XDH: variants seen among roughly 807,000 people sequenced by gnomAD.
XDH encodes the protein xanthine dehydrogenase, also known as xanthine dehydrogenase/oxidase.
In XDH, 138 loss-of-function variants were observed where a neutral mutation model predicts 156.1. The observed-to-expected ratio is 0.88, with a 90% CI of 0.77 to 1.02. The LOEUF is 1.02. Among genes scored for constraint, XDH ranks in the 50% least tolerant of loss-of-function variants. The pLI is 0.00. For missense variants in XDH, 1,849 were observed against 1,684.9 expected, an observed-to-expected ratio of 1.10 and a Z score of -1.71; for synonymous variants, 669 against 625.7, an observed-to-expected ratio of 1.07 and a Z score of -1.03.
chr2:31,346,935 A>C, intron 29 of XDH, 92 bp from the exon 30 acceptor site: 4 of 1,532,274 alleles, frequency 2.6e-6, no homozygotes, highest in Non-Finnish European at 3.6e-6. Context: ...GGCTACCTCC[A>C]AGCAATGCTG....
At chr2:31,338,278 T>C (rs1420159873) in intron 34 of XDH, among the ~76,000 whole-genome samples, 1 of 152,174 alleles carries the variant, frequency 6.6e-6, no homozygotes, top group African/African-American at 2.4e-5. Flanking sequence ...CAAACAGGAA[T>C]TAAAACATTT....
At chr2:31,386,883 C>T (rs45527541) in intron 8 of XDH, among the ~76,000 whole-genome samples, 1 of 145,280 alleles carries the variant, frequency 6.9e-6, no homozygotes, top group Non-Finnish European at 1.5e-5. Context: ...CCTTGCAGTG[C>T]CCCATAATAT....
chr2:31,349,041 TTG>T, intron 26 of XDH, 61 bp from the exon 27 acceptor site: 4 of 1,497,150 alleles, frequency 2.7e-6, no homozygotes, highest in Non-Finnish European at 3.7e-6. Context: ...ATGAATATCT[TTG>T]GATGTTCACA....
chr2:31,392,262 T>A (rs896191030), intron 6 of XDH, among the ~76,000 whole-genome samples: 2 of 152,008 alleles, frequency 1.3e-5, no homozygotes, highest in Admixed American at 6.5e-5. Context: ...TTCAGTTATG[T>A]TGATTTTCTC....
chr2:31,388,707 G>A (rs113940306), intron 6 of XDH, among the ~76,000 whole-genome samples: 3 of 152,164 alleles, frequency 2.0e-5, no homozygotes, highest in Admixed American at 6.5e-5. Context: ...TTCTAGGGGC[G>A]TGGCTGGTGT....
At chr2:31,408,035 G>A (rs530893725) in intron 1 of XDH, among the ~76,000 whole-genome samples, 3 of 152,104 alleles carry the variant, frequency 2.0e-5, no homozygotes, top group Admixed American at 6.5e-5. Flanking sequence ...CATCACATCA[G>A]TTCCCTGCTC....
At chr2:31,408,893 G>A (rs946966781) in intron 1 of XDH, among the ~76,000 whole-genome samples, 3 of 152,282 alleles carry the variant, frequency 2.0e-5, no homozygotes, top group East Asian at 1.9e-4. Flanking sequence ...CTAAGCGTCC[G>A]TGAACAGATG....
intron 24 of XDH, among the ~76,000 whole-genome samples, chr2:31,361,894 C>T (rs1008655398): frequency 6.6e-6 from 1 of 152,104 alleles, no homozygotes; most frequent in African/African-American, 2.4e-5. Flanking sequence ...ATAATACGGT[C>T]TCTCTGATCT....
At chr2:31,363,326 A>G (rs1451929788) in intron 24 of XDH, among the ~76,000 whole-genome samples, 1 of 152,234 alleles carries the variant, frequency 6.6e-6, no homozygotes, top group Non-Finnish European at 1.5e-5. Context: ...AAGAATAATA[A>G]TAAAAACATA....
chr2:31,347,626 G>T lies in XDH; in HGVS notation c.3172C>A (p.Pro1058Thr), dbSNP rs375025289. The T allele has an allele frequency of 6.2e-7, 1 of 1,613,962 alleles. No individual in the cohort carries two copies. Among genetic ancestry groups the T allele is most frequent in the African/African-American group, 1.3e-5 (1 of 74,908 alleles). The change falls in exon 29 of 36, where the codon CCC becomes ACC. Residue 1058 changes from proline to threonine, a missense_variant. Transcript: ENST00000379416. ...TCGCTGATATAAATCTTAGAGGTGG[G>T]GATTTTCAGAGCTCTACTGGCCACC... is the stretch of plus-strand genomic sequence containing the variant. Reference protein sequence around the residue: ...VQVASRALKIPTSKIYISETS... With the variant: ...VQVASRALKITTSKIYISETS...
At chr2:31,344,556 G>A in intron 31 of XDH, 128 bp downstream of exon 31, 3 of 1,067,782 alleles carry the variant, frequency 2.8e-6, no homozygotes, top group Non-Finnish European at 4.3e-6. Context: ...ATTAGCGGAA[G>A]TCTGTTGAAG....
Position 31,402,282 on chromosome 2 carries a change from A to C in XDH, c.197+766T>G, listed in dbSNP as rs561225065. ...ATTGTATAATTGTAACCAATCAAAT[A>C]ATTTCTTTGCTTTTTGCCTGTGTCC... On this transcript the variant is annotated intron_variant, in intron 3 of 35. Transcript: ENST00000379416. 3.9e-5 allele frequency among the ~76,000 whole-genome samples: 6 copies of C among 152,294 alleles called. No individual in the cohort carries two copies. In the South Asian group the frequency reaches 1.2e-3, roughly 32 times the overall value.
intron 1 of XDH, among the ~76,000 whole-genome samples, chr2:31,407,421 T>G (rs1391666625): frequency 6.6e-6 from 1 of 152,124 alleles, no homozygotes; most frequent in Admixed American, 6.5e-5. Context: ...TTGGAGGTCT[T>G]TAAATCATTT....
rs202077714 is a variant in XDH at position 31,337,803 on chromosome 2, C to T, written c.3789G>A (p.Pro1263=). The T allele has an allele frequency of 8.9e-5, 143 of 1,614,036 alleles. No individual in the cohort carries two copies. The East Asian group carries it at 1.4e-3, about 16-fold the overall frequency. The change falls in exon 35 of 36, where the codon CCG becomes CCA. Residue 1263 remains proline (P), a synonymous_variant. Coordinates refer to ENST00000379416, the MANE Select transcript of XDH (RefSeq NM_000379.4). ...AIYASKAVGE[P]PLFLAASIFF... ...AGATAGAAGCAGCCAGGAAGAGGGG[C>T]GGCTCTCCAACAGCCTGAACACAGA... is the stretch of plus-strand genomic sequence containing the variant.
rs2148755274 is a variant in XDH at position 31,348,365 on chromosome 2, T to C, written c.3052-2A>G. The stretch of plus-strand genomic sequence containing the variant: ...GTACACATGAAGTAGGGCTCCTGCC[T>C]AGGGAAAGAGAAGGATGCCAGACAC... On this transcript the variant is annotated splice_acceptor_variant, in intron 27 of 35. Transcript: ENST00000379416. LOFTEE classifies it high-confidence loss of function. 6.2e-7 allele frequency: 1 copy of C among 1,614,032 alleles called. No individual in the cohort carries two copies. The highest frequency in any genetic ancestry group is 8.5e-7 in the Non-Finnish European group (1 of 1,179,938).
intron 8 of XDH, 78 bp downstream of exon 8, chr2:31,387,733 G>A: frequency 2.3e-6 from 3 of 1,329,292 alleles, no homozygotes; most frequent in Non-Finnish European, 3.2e-6. Context: ...AAAGTTCCCA[G>A]TGGGTATGAA....
chr2:31,383,946 T>A, intron 9 of XDH, 99 bp from the exon 10 acceptor site: 1 of 1,033,282 alleles, frequency 9.7e-7, no homozygotes, highest in Non-Finnish European at 1.5e-6. Flanking sequence ...ATATATGACA[T>A]ATCCACAATC....
At position 31,405,950 on chromosome 2, in the gene XDH, A is replaced by G; in HGVS notation, c.57T>C (p.Asn19=). 2 of 1,614,132 alleles carry G rather than the reference A, an allele frequency of 1.2e-6. No homozygotes were observed. Among genetic ancestry groups the G allele is most frequent in the Non-Finnish European group, 1.7e-6 (2 of 1,180,020 alleles). ...CCAAAAGGGTTGTCTCTGGATCTGC[A>G]TTTTTCTCCACCACCTATTAAAATA... ...FVNGRKVVEK[N]ADPETTLLAY... is the part of the protein sequence containing the mutation. Residue 19 remains asparagine (N), a synonymous_variant, in exon 2 of 36, where the codon AAT becomes AAC. Transcript: ENST00000379416.
At position 31,344,725 on chromosome 2, in the gene XDH, G is replaced by A. The variant is rs1471201019; in HGVS notation, c.3363C>T (p.Ala1121=). The part of the protein sequence containing the change: ...SGSWEDWVTA[A]YMDTVSLSAT... ...CAGACAAGCTCACTGTGTCCATGTA[G>A]GCAGCTGTGACCTGAGGAGAGGAGA... The change falls in exon 31 of 36, where the codon GCC becomes GCT. Residue 1121 remains alanine, a synonymous_variant. Transcript: ENST00000379416. 6.2e-7 allele frequency: 1 copy of A among 1,614,116 alleles called. No homozygotes were observed. Among genetic ancestry groups the A allele is most frequent in the Admixed American group, 1.7e-5 (1 of 60,012 alleles).
Sources: allele counts gnomAD v4.1 joint callset (sites outside exome capture counted in the v4.1 genomes callset), GRCh38; gene constraint gnomAD v4.1.1; transcripts MANE v1.5; gene names NCBI Gene and HGNC (gene_info 2026-07-23, HGNC 2026-07-21).